TLCD3B: variants seen among roughly 807,000 people sequenced by gnomAD.
The protein encoded by TLCD3B is ceramide synthase.
TLCD3B carries 9 observed loss-of-function variants against 23.0 expected under a neutral mutation model. That is an observed-to-expected ratio of 0.39 (90% CI 0.24 to 0.68). The LOEUF (loss-of-function observed/expected upper bound fraction) is 0.68. Among genes scored for constraint, TLCD3B ranks in the 30% least tolerant of loss-of-function variants. The probability of loss-of-function intolerance (pLI) is 0.44; values close to 1 mark genes in which losing one functional copy is unlikely to be tolerated. For missense variants in TLCD3B, 307 were observed against 371.8 expected, an observed-to-expected ratio of 0.83 and a Z score of 1.43; for synonymous variants, 161 against 161.0, an observed-to-expected ratio of 1.00 and a Z score of 0.00.
intron 3 of TLCD3B, among the ~76,000 whole-genome samples, chr16:30,039,967 C>T (rs950966395): frequency 6.6e-6 from 1 of 151,498 alleles, no homozygotes; most frequent in Non-Finnish European, 1.5e-5. Context: ...AACCCCATCC[C>T]TACTGAAAAT....
Position 30,036,410 on chromosome 16 carries a change from C to T in TLCD3B, c.-66-196G>A, listed in dbSNP as rs1217517144. 3.1e-6 allele frequency: 4 copies of T among 1,281,256 alleles called. No homozygotes were observed. In the African/African-American group the frequency reaches 6.1e-5, roughly 20 times the overall value. 79.4% of individuals were successfully genotyped at this position (1,281,256 alleles called of 1,614,324 possible). On this transcript the variant is annotated intron_variant, in intron 3 of 6. Coordinates refer to the TLCD3B transcript ENST00000561666. ...TTAGAAAGACCTCCCCTCCCATCTACTCTGGGGAGCAGAGGTGTGGAGCAG... is the reference window on the plus strand; with the variant it reads ...TTAGAAAGACCTCCCCTCCCATCTATTCTGGGGAGCAGAGGTGTGGAGCAG...
At chr16:30,049,564 G>A (rs953796859) in intron 1 of TLCD3B, among the ~76,000 whole-genome samples, 1 of 152,184 alleles carries the variant, frequency 6.6e-6, no homozygotes, top group Non-Finnish European at 1.5e-5. Flanking sequence ...AGGAGACTTT[G>A]CGGTTAGCTG....
chr16:30,043,008 G>T (rs1296765707), intron 2 of TLCD3B, among the ~76,000 whole-genome samples: 1 of 152,078 alleles, frequency 6.6e-6, no homozygotes, highest in Non-Finnish European at 1.5e-5. Context: ...GCTGAGGCAG[G>T]AGAATTGCTT....
chr16:30,049,797 C>T (rs917053790), intron 1 of TLCD3B, among the ~76,000 whole-genome samples: 11 of 151,986 alleles, frequency 7.2e-5, no homozygotes, highest in African/African-American at 1.5e-4. Context: ...TGGTGGCATG[C>T]GTCTGTAATC....
chr16:30,052,829 G>A (rs1220991324), exon 1 of TLCD3B: 2 of 152,188 alleles, frequency 1.3e-5, no homozygotes, highest in Non-Finnish European at 2.9e-5. Flanking sequence ...TGGCTTGGCC[G>A]GAGATACATC....
At chr16:30,026,463 T>C in intron 3 of TLCD3B, 146 bp downstream of exon 3, 6 of 732,014 alleles carry the variant, frequency 8.2e-6, no homozygotes, top group Non-Finnish European at 1.3e-5. Flanking sequence ...CAGTGAACCC[T>C]GCCTGTCCAC....
In TLCD3B at chr16:30,025,750, G is replaced by A. The variant is rs1177620255; in HGVS notation, c.516C>T (p.Val172=). The stretch of plus-strand genomic sequence containing the variant: ...CCTGGATGAGGATCTTGCCAAGGCA[G>A]ACGAAGGGCGTGCTGACCTCTGCCA... ...MLMAEVSTPF[V]CLGKILIQYK... The change falls in exon 4 of 5, where the codon GTC becomes GTT. Residue 172 remains valine (V), a synonymous_variant. Transcript: ENST00000380495. This position sits in a 1 kb window ranked among gnomAD's most constrained non-coding sequence, Gnocchi z 4.1. 6.2e-7 allele frequency: 1 copy of A among 1,614,174 alleles called. No individual in the cohort carries two copies. The highest frequency in any genetic ancestry group is 1.3e-5 in the African/African-American group (1 of 75,060).
At chr16:30,050,133 G>C (rs1304692420) in intron 1 of TLCD3B, among the ~76,000 whole-genome samples, 1 of 152,198 alleles carries the variant, frequency 6.6e-6, no homozygotes, top group Non-Finnish European at 1.5e-5. Flanking sequence ...GCCTTGCCAA[G>C]GCTGAAGTCT....
Position 30,050,234 on chromosome 16 carries a change from C to T in TLCD3B, c.-294+2540G>A, listed in dbSNP as rs750527398. On this transcript the variant is annotated intron_variant, in intron 1 of 6. Transcript: ENST00000561666. ...GGCCTCAACTTGGTCCTCAGGATTC[C>T]ATCAGACAATAAGACCGCCCAAGGC... Among the ~76,000 whole-genome samples, 56 of 152,246 alleles carry T rather than the reference C, an allele frequency of 3.7e-4. 1 individual carries two copies. The highest frequency in any genetic ancestry group is 9.2e-4 in the Admixed American group (14 of 15,278).
chr16:30,030,695 C>T lies in TLCD3B; in HGVS notation c.-168G>A, dbSNP rs1209081606. ...GGGGACGGGATGGGGCCAGGGAGTC[C>T]GATGAAACTGGGGAGTCGGGAGGGG... On this transcript the variant is annotated 5_prime_UTR_variant, in exon 1 of 5. Coordinates refer to ENST00000380495, the MANE Select transcript of TLCD3B (RefSeq NM_031478.6). The T allele has an allele frequency of 4.2e-6, 4 of 949,336 alleles. No homozygotes were observed. The African/African-American group carries it at 8.1e-5, about 19-fold the overall frequency. 58.8% of individuals were successfully genotyped at this position (949,336 alleles called of 1,614,324 possible).
upstream of TLCD3B, among the ~76,000 whole-genome samples, chr16:30,034,102 G>A (rs1217043516): frequency 5.9e-5 from 9 of 151,636 alleles, no homozygotes; most frequent in African/African-American, 9.7e-5. Flanking sequence ...GAGAAACCCC[G>A]CCTCTACTGA....
At chr16:30,036,298 C>A (rs563496264) in intron 3 of TLCD3B, 3 of 1,289,040 alleles carry the variant, frequency 2.3e-6, no homozygotes, top group East Asian at 1.1e-4. Flanking sequence ...AAAGCCAAAG[C>A]GATTGTTGTT....
At chr16:30,034,792 A>T (rs2071435153), upstream of TLCD3B, among the ~76,000 whole-genome samples, 1 of 152,042 alleles carries the variant, frequency 6.6e-6, no homozygotes, top group Non-Finnish European at 1.5e-5. Context: ...CTCACACAAC[A>T]TCTCCACGAA....
Position 30,029,938 on chromosome 16 carries a change from T to G in TLCD3B, c.126-423A>C. ...ACTCTGGACCCTTTGTGACCCCGAG[T>G]TCCCCAGTCACTTTCCCACTGTCTC... On this transcript the variant is annotated intron_variant, in intron 1 of 4. Transcript: ENST00000380495. The surrounding 1 kb of genome is among the most constrained non-coding windows in gnomAD (Gnocchi z 4.6). The G allele has an allele frequency of 1.0e-6, 1 of 985,578 alleles. No homozygotes were observed. The highest frequency in any genetic ancestry group is 5.8e-5 in the East Asian group (1 of 17,150). The allele number at this position is 985,578 out of a possible 1,614,324, so 61.1% of individuals were successfully genotyped here. A position where few individuals can be genotyped will look rare whatever the true frequency, so the allele number is the denominator to read the frequency against.
intron 2 of TLCD3B, among the ~76,000 whole-genome samples, chr16:30,045,582 G>A (rs1447883530): frequency 6.9e-6 from 1 of 144,588 alleles, no homozygotes; most frequent in Non-Finnish European, 1.5e-5. Flanking sequence ...TATGTGGTAT[G>A]TGTGTGGTGA....
intron 2 of TLCD3B, among the ~76,000 whole-genome samples, chr16:30,045,581 T>A (rs1443256889): frequency 1.3e-4 from 18 of 143,762 alleles, no homozygotes; most frequent in African/African-American, 4.2e-4. Context: ...GTATGTGGTA[T>A]GTGTGTGGTG....
At position 30,025,350 on chromosome 16, in the gene TLCD3B, C is replaced by G; in HGVS notation, c.658G>C (p.Gly220Arg). The part of the protein sequence containing the change: ...YLYWAYGRHA[G>R]LPLLAVPLAI... ...AGGGGCACGGCCAGCAGGGGCAGGC[C>G]GGCATGGCGCCCGTAGGCCCAGTAC... The change falls in exon 5 of 5, where the codon GGC becomes CGC. Residue 220 changes from glycine to arginine, a missense_variant. Coordinates refer to ENST00000380495, the MANE Select transcript of TLCD3B (RefSeq NM_031478.6). The surrounding 1 kb of genome is among the most constrained non-coding windows in gnomAD (Gnocchi z 4.1). The G allele has an allele frequency of 6.3e-7, 1 of 1,591,738 alleles. No individual in the cohort carries two copies.
At chr16:30,045,332 T>G (rs199528813) in intron 2 of TLCD3B, among the ~76,000 whole-genome samples, 15 of 30,368 alleles carry the variant, frequency 4.9e-4, no homozygotes, top group South Asian at 2.3e-3. Context: ...TGTGTGGTGT[T>G]TGTGTGTGTT....
At position 30,025,627 on chromosome 16, in the gene TLCD3B, G is replaced by A; in HGVS notation, c.540+99C>T. On this transcript the variant is annotated intron_variant, in intron 4 of 4. Transcript: ENST00000380495. The surrounding 1 kb of genome is among the most constrained non-coding windows in gnomAD (Gnocchi z 4.1). ...CTCAAAATGCACGGGGTGAGGGGGG[G>A]ATGACGAAGGGGCTAGAGCCCTTGG... 2 of 1,467,112 alleles carry A rather than the reference G, an allele frequency of 1.4e-6. No individual in the cohort carries two copies. The highest frequency in any genetic ancestry group is 1.9e-6 in the Non-Finnish European group (2 of 1,048,770). The allele number at this position is 1,467,112 out of a possible 1,614,324, so 90.9% of individuals were successfully genotyped here.
Sources: gnomAD v4.1 joint callset for allele counts (sites outside exome capture counted in the v4.1 genomes callset) on GRCh38, gnomAD v4.1.1 for gene constraint, Gnocchi (gnomAD v3.1) non-coding constraint, MANE v1.5 for transcripts, NCBI Gene and HGNC (gene_info 2026-07-23, HGNC 2026-07-21) for gene names.